Variants in LARGE1 observed in about 807,000 individuals in gnomAD.
LARGE1 encodes the protein xylosyl- and glucuronyltransferase LARGE1.
A neutral mutation model predicts 87.6 loss-of-function variants in LARGE1; 43 were observed. That is an observed-to-expected ratio of 0.49 (90% CI 0.38 to 0.63). The LOEUF (loss-of-function observed/expected upper bound fraction) is 0.63. Among genes scored for constraint, LARGE1 ranks in the 30% least tolerant of loss-of-function variants. The pLI, the probability that LARGE1 is intolerant of heterozygous loss-of-function variation, is 0.00. For missense variants in LARGE1, 802 were observed against 1,000.2 expected (o/e 0.80, Z 2.67); for synonymous variants, 434 against 394.6 (o/e 1.10, Z -1.18).
chr22:33,809,309 T>C (rs913109027), intron 1 of LARGE1, among the ~76,000 whole-genome samples: 20 of 151,770 alleles, frequency 1.3e-4, no homozygotes, highest in Admixed American at 1.1e-3. Flanking sequence ...TGTATTTCCC[T>C]AGCCTCCTGC....
At chr22:33,628,688 C>T (rs148593472) in intron 3 of LARGE1, among the ~76,000 whole-genome samples, 169 of 152,260 alleles carry the variant, frequency 1.1e-3, no homozygotes, top group Middle Eastern at 3.4e-3. Flanking sequence ...CCAGGCCCTC[C>T]GTCCTTCAGA....
At chr22:33,674,195 C>G (rs1390992912) in intron 2 of LARGE1, among the ~76,000 whole-genome samples, 1 of 152,110 alleles carries the variant, frequency 6.6e-6, no homozygotes, top group Non-Finnish European at 1.5e-5. Context: ...CTACCTGCCT[C>G]GGCCTCCCAA....
At chr22:33,525,177 G>T (rs976023773) in intron 6 of LARGE1, among the ~76,000 whole-genome samples, 3 of 152,188 alleles carry the variant, frequency 2.0e-5, no homozygotes, top group African/African-American at 7.2e-5. Flanking sequence ...CCATTCTGCA[G>T]GTCTGCCACA....
chr22:33,076,568 A>AT, the LARGE1 span, among the ~76,000 whole-genome samples: 7 of 152,230 alleles, frequency 4.6e-5, no homozygotes, highest in East Asian at 1.9e-4. Context: ...TGTCAATGGG[A>AT]TTTTTCCTGC....
chr22:33,651,223 T>TAAAAAAAAAAAAAAAAAAAAAAA (rs1371688457), intron 2 of LARGE1, among the ~76,000 whole-genome samples: 1 of 17,146 alleles, frequency 5.8e-5, no homozygotes, highest in Non-Finnish European at 1.1e-4. Context: ...CTACTAAAAA[T>TAAAAAAAAAAAAAAAAAAAAAAA]ACAAAAAAAA....
chr22:33,376,308 C>T (rs1184024802), intron 9 of LARGE1, among the ~76,000 whole-genome samples: 4 of 152,174 alleles, frequency 2.6e-5, no homozygotes, highest in African/African-American at 4.8e-5. Context: ...GAGCAAATTG[C>T]TATTTGTTAT....
chr22:33,561,771 T>C (rs771866015), intron 6 of LARGE1, among the ~76,000 whole-genome samples: 2 of 152,114 alleles, frequency 1.3e-5, no homozygotes, highest in Non-Finnish European at 2.9e-5. Context: ...ACCGCTGACA[T>C]AGGAGGGAGG....
At chr22:33,849,072 G>A (rs1269696868) in intron 1 of LARGE1, among the ~76,000 whole-genome samples, 1 of 152,162 alleles carries the variant, frequency 6.6e-6, no homozygotes, top group Admixed American at 6.5e-5. Context: ...TCTGACACAG[G>A]GACTGTGTAG....
At chr22:33,861,319 C>G (rs983485363) in intron 1 of LARGE1, among the ~76,000 whole-genome samples, 26 of 152,140 alleles carry the variant, frequency 1.7e-4, no homozygotes, top group African/African-American at 6.3e-4. Flanking sequence ...TTTGCTAACA[C>G]CCATTCTGCA....
intron 6 of LARGE1, among the ~76,000 whole-genome samples, chr22:33,486,438 A>G (rs921808483): frequency 2.6e-5 from 4 of 152,174 alleles, no homozygotes; most frequent in African/African-American, 9.7e-5. Context: ...CAGCACAGGA[A>G]TCTCAAACAG....
chr22:33,515,754 CA>C (rs2071274680), intron 6 of LARGE1, among the ~76,000 whole-genome samples: 1 of 152,182 alleles, frequency 6.6e-6, no homozygotes, highest in South Asian at 2.1e-4. Flanking sequence ...CTGGATCTTA[CA>C]AAAGGCTTCC....
At chr22:33,725,438 G>T (rs1164087719) in intron 2 of LARGE1, among the ~76,000 whole-genome samples, 1 of 152,130 alleles carries the variant, frequency 6.6e-6, no homozygotes, top group African/African-American at 2.4e-5. Flanking sequence ...TCCCAGTTGA[G>T]GGTTCATCAG....
chr22:33,811,079 G>A (rs933953862), intron 1 of LARGE1, among the ~76,000 whole-genome samples: 4 of 152,048 alleles, frequency 2.6e-5, no homozygotes, highest in East Asian at 1.9e-4. Flanking sequence ...GTGGAAGATG[G>A]GTAAATTGGG....
chr22:33,115,687 A>C, the LARGE1 span, among the ~76,000 whole-genome samples: 1 of 151,920 alleles, frequency 6.6e-6, no homozygotes, highest in African/African-American at 2.4e-5. Context: ...GCATGGTGGC[A>C]CACACCTGTA....
intron 11 of LARGE1, among the ~76,000 whole-genome samples, chr22:33,222,849 C>T (rs759133569): frequency 2.0e-5 from 3 of 152,180 alleles, no homozygotes; most frequent in Admixed American, 1.3e-4. Context: ...ACCTCATTCA[C>T]ACCTAGAGGG....
intron 11 of LARGE1, among the ~76,000 whole-genome samples, chr22:33,220,538 T>G (rs894346142): frequency 2.0e-5 from 3 of 152,198 alleles, no homozygotes; most frequent in African/African-American, 7.2e-5. Context: ...TCCCTCCTTT[T>G]TCATTTGAAG....
At chr22:33,660,992 A>C (rs1370973629) in intron 2 of LARGE1, among the ~76,000 whole-genome samples, 1 of 152,168 alleles carries the variant, frequency 6.6e-6, no homozygotes, top group Non-Finnish European at 1.5e-5. Flanking sequence ...TTTTACAGTA[A>C]AAATTTTTAA....
the LARGE1 span, among the ~76,000 whole-genome samples, chr22:33,119,506 G>A: frequency 5.9e-5 from 9 of 151,992 alleles, no homozygotes; most frequent in South Asian, 2.1e-4. Flanking sequence ...GTAGGGTGGC[G>A]GCATGGGGTG....
chr22:33,132,382 C>T, the LARGE1 span, among the ~76,000 whole-genome samples: 4 of 151,468 alleles, frequency 2.6e-5, no homozygotes, highest in Non-Finnish European at 4.4e-5. Flanking sequence ...CGGGGTTTCA[C>T]CATGTTGCCA....
Sources: allele counts gnomAD v4.1 joint callset (sites outside exome capture counted in the v4.1 genomes callset), GRCh38; gene constraint gnomAD v4.1.1; transcripts MANE v1.5; gene names NCBI Gene and HGNC (gene_info 2026-07-23, HGNC 2026-07-21).